PSD3: variants seen among roughly 807,000 people sequenced by gnomAD.
PSD3 encodes pleckstrin and Sec7 domain containing 3, also known as PH and SEC7 domain-containing protein 3.
PSD3 carries 49 observed loss-of-function variants against 105.5 expected under a neutral mutation model. The ratio of observed to expected loss-of-function variants is 0.46; its 90% CI spans 0.37 to 0.59. The LOEUF (loss-of-function observed/expected upper bound fraction) is 0.59. Among genes scored for constraint, PSD3 ranks in the 20% least tolerant of loss-of-function variants. PSD3 has a pLI of 0.00. For missense variants in PSD3, 1,561 were observed against 1,263.8 expected, an observed-to-expected ratio of 1.24 and a Z score of -3.57; for synonymous variants, 557 against 457.8, an observed-to-expected ratio of 1.22 and a Z score of -2.77.
At chr8:18,826,173 CT>C (rs1159583401) in intron 4 of PSD3, among the ~76,000 whole-genome samples, 1 of 152,210 alleles carries the variant, frequency 6.6e-6, no homozygotes, top group Non-Finnish European at 1.5e-5. Context: ...GGCTTTCATA[CT>C]CAGACTACAA....
chr8:19,048,454 G>C (rs1828401705), intron 1 of PSD3, among the ~76,000 whole-genome samples: 1 of 152,186 alleles, frequency 6.6e-6, no homozygotes, highest in Non-Finnish European at 1.5e-5. Context: ...AAAATATATG[G>C]ATAAAATAAT....
intron 1 of PSD3, among the ~76,000 whole-genome samples, chr8:19,012,034 C>A (rs1052827295): frequency 6.6e-6 from 1 of 152,308 alleles, no homozygotes; most frequent in East Asian, 1.9e-4. Flanking sequence ...TCCCCTCACC[C>A]TACCAGGAAA....
intron 9 of PSD3, among the ~76,000 whole-genome samples, chr8:18,744,628 T>A (rs1242224462): frequency 6.6e-6 from 1 of 152,214 alleles, no homozygotes; most frequent in Admixed American, 6.5e-5. Context: ...TACAAAAAGG[T>A]TGTACAAATG....
rs1412255073 is a variant in PSD3, at chr8:18,604,868, A to G, written c.2411-4434T>C. On this transcript the variant is annotated intron_variant, in intron 11 of 15. Coordinates refer to ENST00000327040, the MANE Select transcript of PSD3 (RefSeq NM_015310.4). ...TTGGCCACAAACTTTAGTGGCTTCC[A>G]TGTGGTTTTAAGCCTGTGGCTACAA... is the stretch of plus-strand genomic sequence containing the variant. Among the ~76,000 whole-genome samples, 6 of 152,320 alleles carry G rather than the reference A, an allele frequency of 3.9e-5. No individual in the cohort carries two copies. In the East Asian group the frequency reaches 7.7e-4, roughly 20 times the overall value.
intron 4 of PSD3, among the ~76,000 whole-genome samples, chr8:18,814,680 T>C (rs1250406395): frequency 6.6e-6 from 1 of 152,202 alleles, no homozygotes; most frequent in African/African-American, 2.4e-5. Flanking sequence ...TGCAAACAAA[T>C]GTATATGCTC....
At position 18,867,919 on chromosome 8, in the gene PSD3, TGTCTCCAGG is replaced by T. The variant is rs1817065045; in HGVS notation, c.1380_1388del (p.Glu462_Leu464del). 2 of 1,614,206 alleles carry T rather than the reference TGTCTCCAGG, an allele frequency of 1.2e-6. No homozygotes were observed. The highest frequency in any genetic ancestry group is 1.7e-6 in the Non-Finnish European group (2 of 1,180,030). On this transcript the variant is annotated inframe_deletion, in exon 4 of 16. Coordinates refer to ENST00000327040, the MANE Select transcript of PSD3 (RefSeq NM_015310.4). ...AATAGCTATCAGGCTCTGAGTATAATGTCTCCAGGGACTCTGCACTGTAGTATAAAGAAG... is the reference window on the plus strand; with the variant it reads ...AATAGCTATCAGGCTCTGAGTATAATGACTCTGCACTGTAGTATAAAGAAG...
In PSD3 at chr8:18,903,176, T is replaced by C. The variant is rs753619423; in HGVS notation, c.131-30443A>G. 2.2e-4 allele frequency among the ~76,000 whole-genome samples: 34 copies of C among 152,226 alleles called. 1 individual carries two copies. The highest frequency in any genetic ancestry group is 8.3e-4 in the South Asian group (4 of 4,830). On this transcript the variant is annotated intron_variant, in intron 2 of 15. Transcript: ENST00000327040. ...TAGCTGTGATTTTACTTTTAGGGTA[T>C]ACAGTGAAGCACTCACCCAACTCCA...
At chr8:18,862,282 C>G (rs73666740) in intron 4 of PSD3, among the ~76,000 whole-genome samples, 5,341 of 151,772 alleles carry the variant, frequency 0.035, 332 homozygotes, top group African/African-American at 0.12. Context: ...AAAATACGCA[C>G]CTAGAAAGTG....
intron 10 of PSD3, among the ~76,000 whole-genome samples, chr8:18,645,644 G>A (rs1010961831): frequency 6.6e-6 from 1 of 152,166 alleles, no homozygotes; most frequent in Admixed American, 6.5e-5. Flanking sequence ...AGTCCAGCGT[G>A]ACACAGTATC....
chr8:18,958,918 T>TG (rs1586526643), intron 1 of PSD3, among the ~76,000 whole-genome samples: 1 of 99,246 alleles, frequency 1.0e-5, no homozygotes, highest in East Asian at 3.2e-4. Context: ...AGTTAAGTGG[T>TG]GTTTTTTTTT....
intron 4 of PSD3, among the ~76,000 whole-genome samples, chr8:18,842,687 A>C (rs1401787905): frequency 1.3e-5 from 2 of 151,860 alleles, no homozygotes; most frequent in East Asian, 3.9e-4. Context: ...GAGCCGAGAT[A>C]GCGCCACCGC....
At chr8:18,740,220 G>A (rs865883487) in intron 9 of PSD3, among the ~76,000 whole-genome samples, 1 of 152,114 alleles carries the variant, frequency 6.6e-6, no homozygotes, top group Non-Finnish European at 1.5e-5. Flanking sequence ...ACGCTGACAC[G>A]GGTTCCACAG....
intron 11 of PSD3, among the ~76,000 whole-genome samples, chr8:18,619,758 C>T (rs570166182): frequency 5.3e-5 from 8 of 152,188 alleles, no homozygotes; most frequent in Non-Finnish European, 1.2e-4. Context: ...ACGTGGCTTA[C>T]TCCCCAACCT....
chr8:18,841,714 T>C (rs1814643235), intron 4 of PSD3, among the ~76,000 whole-genome samples: 1 of 152,112 alleles, frequency 6.6e-6, no homozygotes, highest in South Asian at 2.1e-4. Flanking sequence ...GAGACCTCCA[T>C]CTGGCGCTAA....
chr8:18,729,961 C>A (rs1803615110), intron 9 of PSD3, among the ~76,000 whole-genome samples: 1 of 152,094 alleles, frequency 6.6e-6, no homozygotes, highest in Admixed American at 6.6e-5. Context: ...ATTAGAATAG[C>A]AAAGCCTACA....
At chr8:18,812,962 T>C (rs1242117848) in intron 4 of PSD3, among the ~76,000 whole-genome samples, 1 of 152,138 alleles carries the variant, frequency 6.6e-6, no homozygotes, top group East Asian at 1.9e-4. Context: ...AAGATCAGTT[T>C]TGCTTGTGGT....
chr8:18,663,124 C>G (rs977042503), intron 9 of PSD3, among the ~76,000 whole-genome samples: 1 of 152,056 alleles, frequency 6.6e-6, no homozygotes, highest in Non-Finnish European at 1.5e-5. Context: ...TGGGGATGCA[C>G]AAAATCAAAC....
chr8:18,725,003 G>T (rs1338595633), intron 9 of PSD3, among the ~76,000 whole-genome samples: 1 of 152,162 alleles, frequency 6.6e-6, no homozygotes, highest in East Asian at 1.9e-4. Flanking sequence ...AAGACAAAGT[G>T]AACAGAATTC....
chr8:18,988,443 T>C (rs1364032649), intron 1 of PSD3, among the ~76,000 whole-genome samples: 15 of 152,208 alleles, frequency 9.9e-5, no homozygotes, highest in Non-Finnish European at 4.4e-5. Flanking sequence ...GAAAACCTGC[T>C]TTTCATCAAT....
Sources: allele counts gnomAD v4.1 joint callset (sites outside exome capture counted in the v4.1 genomes callset), GRCh38; gene constraint gnomAD v4.1.1; transcripts MANE v1.5; gene names NCBI Gene and HGNC (gene_info 2026-07-23, HGNC 2026-07-21).